The following MEI4 variants were observed in gnomAD, a reference collection of about 807,000 sequenced individuals.
MEI4 encodes the protein meiosis-specific protein MEI4.
In MEI4, 27 loss-of-function variants were observed where a neutral mutation model predicts 31.4. The ratio of observed to expected loss-of-function variants is 0.86; its 90% CI spans 0.63 to 1.19. The LOEUF is 1.19. MEI4 is among the 50% of genes most tolerant of loss of function. The probability of loss-of-function intolerance (pLI) is 0.00; values close to 1 mark genes in which losing one functional copy is unlikely to be tolerated. For synonymous variants in MEI4, 122 were observed against 145.4 expected (o/e 0.84, Z 1.16); for missense variants, 329 against 398.9 (o/e 0.82, Z 1.49).
At chr6:77,870,753 T>A (rs1168418927) in intron 4 of MEI4, among the ~76,000 whole-genome samples, 2 of 152,198 alleles carry the variant, frequency 1.3e-5, no homozygotes, top group Non-Finnish European at 2.9e-5. Context: ...TTATTAAAAG[T>A]TATTTTTTAC....
intron 3 of MEI4, among the ~76,000 whole-genome samples, chr6:77,821,455 C>A (rs1003757078): frequency 1.3e-5 from 2 of 152,034 alleles, no homozygotes; most frequent in African/African-American, 4.8e-5. Context: ...TTGTGGCAGA[C>A]CCAATGTAGA....
intron 2 of MEI4, among the ~76,000 whole-genome samples, chr6:77,710,655 T>C (rs1052449752): frequency 2.6e-5 from 4 of 152,222 alleles, no homozygotes; most frequent in Non-Finnish European, 5.9e-5. Flanking sequence ...TTTGTATTGG[T>C]AGACTTAAGG....
intron 1 of MEI4, among the ~76,000 whole-genome samples, chr6:77,655,517 T>C (rs1380547978): frequency 1.3e-5 from 2 of 152,222 alleles, no homozygotes; most frequent in Non-Finnish European, 2.9e-5. Flanking sequence ...GTTTAAAATA[T>C]GAAGAGTTGT....
chr6:77,907,378 A>T (rs1183062161), intron 4 of MEI4, among the ~76,000 whole-genome samples: 1 of 152,240 alleles, frequency 6.6e-6, no homozygotes, highest in South Asian at 2.1e-4. Flanking sequence ...ATGAGTGAGA[A>T]CATGCAGTGT....
intron 4 of MEI4, among the ~76,000 whole-genome samples, chr6:77,867,062 C>G (rs1290262289): frequency 6.6e-6 from 1 of 152,132 alleles, no homozygotes; most frequent in East Asian, 1.9e-4. Context: ...ACACCTTATA[C>G]AAAAATTAAT....
chr6:77,691,478 G>A (rs1769156721), intron 2 of MEI4, among the ~76,000 whole-genome samples: 1 of 152,056 alleles, frequency 6.6e-6, no homozygotes, highest in African/African-American at 2.4e-5. Flanking sequence ...TCAGTGAAAT[G>A]GTTACAGAAC....
At chr6:77,654,171 C>A (rs1336346159) in intron 1 of MEI4, among the ~76,000 whole-genome samples, 1 of 152,134 alleles carries the variant, frequency 6.6e-6, no homozygotes, top group African/African-American at 2.4e-5. Context: ...GTTTTCCAAT[C>A]TCTGATTTAC....
chr6:77,716,444 T>C (rs1176251455), intron 2 of MEI4, among the ~76,000 whole-genome samples: 1 of 152,148 alleles, frequency 6.6e-6, no homozygotes, highest in Non-Finnish European at 1.5e-5. Flanking sequence ...ATGCAGTTTT[T>C]ATTGAGGTAT....
chr6:77,656,612 T>C (rs1164639826), intron 1 of MEI4, among the ~76,000 whole-genome samples: 1 of 152,180 alleles, frequency 6.6e-6, no homozygotes, highest in Non-Finnish European at 1.5e-5. Context: ...TGCTGAACAT[T>C]TACTGAAAGA....
intron 3 of MEI4, among the ~76,000 whole-genome samples, chr6:77,772,890 T>G (rs1454478699): frequency 6.6e-6 from 1 of 151,948 alleles, no homozygotes; most frequent in African/African-American, 2.4e-5. Context: ...ATCACTAGCA[T>G]TTCTATATGC....
chr6:77,760,600 A>G (rs1314932868), intron 2 of MEI4, among the ~76,000 whole-genome samples: 3 of 152,090 alleles, frequency 2.0e-5, no homozygotes, highest in Non-Finnish European at 4.4e-5. Context: ...TTTACCCCTT[A>G]GGTGTATGGT....
At chr6:77,899,711 C>A (rs1766150746) in intron 4 of MEI4, among the ~76,000 whole-genome samples, 1 of 152,076 alleles carries the variant, frequency 6.6e-6, no homozygotes, top group Non-Finnish European at 1.5e-5. Flanking sequence ...TCACTTCATC[C>A]ATGTTGCCAT....
chr6:77,745,352 A>G (rs945777808), intron 2 of MEI4, among the ~76,000 whole-genome samples: 5 of 152,184 alleles, frequency 3.3e-5, no homozygotes, highest in Non-Finnish European at 7.3e-5. Context: ...TTAAACCAAC[A>G]AAGATCAAAA....
intron 3 of MEI4, among the ~76,000 whole-genome samples, chr6:77,787,848 G>A (rs1223678622): frequency 1.3e-5 from 2 of 152,108 alleles, no homozygotes; most frequent in African/African-American, 2.4e-5. Context: ...GTCAAATAAA[G>A]AAATAGAAAC....
rs903501067 is a variant in MEI4 at position 77,732,529 on chromosome 6, C to G, written c.233-28601C>G. ...CTTATCAGCTTAAGGAGATTTTGGGCTGAGACAAGGGGTTTTCCAGATATA... is the reference window on the plus strand; with the variant it reads ...CTTATCAGCTTAAGGAGATTTTGGGGTGAGACAAGGGGTTTTCCAGATATA... On this transcript the variant is annotated intron_variant, in intron 2 of 4. Coordinates refer to ENST00000684080, the MANE Select transcript of MEI4 (RefSeq NM_001322247.2). Among the ~76,000 whole-genome samples, 10 of 148,872 alleles carry G rather than the reference C, an allele frequency of 6.7e-5. 2 individuals are homozygous for G. The highest frequency in any genetic ancestry group is 2.4e-4 in the African/African-American group (10 of 41,084).
Position 77,801,149 on chromosome 6 carries a change from A to C in MEI4, c.769-27782A>C, listed in dbSNP as rs144706007. ...GACTTTTGTTGGTTGGTAAGCTATT[A>C]ATTATTGCCTCAATTTCAGAGCCTG... On this transcript the variant is annotated intron_variant, in intron 3 of 4. Coordinates refer to ENST00000684080, the MANE Select transcript of MEI4 (RefSeq NM_001322247.2). 1.4e-3 allele frequency among the ~76,000 whole-genome samples: 209 copies of C among 152,220 alleles called. 2 individuals carry two copies. The highest frequency in any genetic ancestry group is 9.3e-3 in the Admixed American group (142 of 15,284).
intron 4 of MEI4, among the ~76,000 whole-genome samples, chr6:77,858,807 A>ATTT (rs5877572): frequency 6.7e-6 from 1 of 149,782 alleles, no homozygotes; most frequent in African/African-American, 2.5e-5. Context: ...ATATACTACA[A>ATTT]TTTTTTTTTT....
chr6:77,696,223 G>A (rs1766036239), intron 2 of MEI4, among the ~76,000 whole-genome samples: 1 of 152,130 alleles, frequency 6.6e-6, no homozygotes, highest in African/African-American at 2.4e-5. Context: ...GGGACAATTT[G>A]ACTTCCTCTT....
chr6:77,665,694 G>T (rs1419717797), intron 1 of MEI4, among the ~76,000 whole-genome samples: 2 of 152,178 alleles, frequency 1.3e-5, no homozygotes, highest in Non-Finnish European at 2.9e-5. Context: ...ACCGGCGCCG[G>T]AGTTTTGGGT....
Sources: gnomAD v4.1 joint callset for allele counts (sites outside exome capture counted in the v4.1 genomes callset) on GRCh38, gnomAD v4.1.1 for gene constraint, MANE v1.5 for transcripts, NCBI Gene and HGNC (gene_info 2026-07-23, HGNC 2026-07-21) for gene names.